SYNE1: variants seen among roughly 807,000 people sequenced by gnomAD.
The protein encoded by SYNE1 is spectrin repeat containing nuclear envelope protein 1.
SYNE1 carries 616 observed loss-of-function variants against 1,111.0 expected under a neutral mutation model. The observed-to-expected ratio is 0.55, with a 90% CI of 0.52 to 0.59. The LOEUF (loss-of-function observed/expected upper bound fraction) is 0.59, where lower values mean the gene tolerates loss of function less well. SYNE1 is among the 20% of genes least tolerant of loss of function. The probability of loss-of-function intolerance (pLI) is 0.00; values close to 1 mark genes in which losing one functional copy is unlikely to be tolerated. For missense variants in SYNE1, 10,006 were observed against 10,417.0 expected, an observed-to-expected ratio of 0.96 and a Z score of 1.72; for synonymous variants, 3,855 against 3,825.8, an observed-to-expected ratio of 1.01 and a Z score of -0.28.
rs970277540 is a variant in SYNE1, at chr6:152,634,911, C to T, written c.-224+1727G>A. Among the ~76,000 whole-genome samples, 15 of 152,378 alleles carry T rather than the reference C, an allele frequency of 9.8e-5. No homozygotes were observed. The South Asian group carries it at 1.4e-3, about 15-fold the overall frequency. ...AGACACACAGAGGACCTCGCAGAGG[C>T]GTTTGGGCCCTGCATGCCTGTCACA... is the stretch of plus-strand genomic sequence containing the variant. On this transcript the variant is annotated intron_variant, in intron 2 of 145. Coordinates refer to ENST00000367255, the MANE Select transcript of SYNE1 (RefSeq NM_182961.4).
chr6:152,627,922 A>T lies in SYNE1; in HGVS notation c.67+343T>A, dbSNP rs544342827. 1.8e-4 allele frequency among the ~76,000 whole-genome samples: 28 copies of T among 152,218 alleles called. No individual in the cohort carries two copies. The South Asian group carries it at 5.6e-3, about 30-fold the overall frequency. On this transcript the variant is annotated intron_variant, in intron 3 of 145. Coordinates refer to ENST00000367255, the MANE Select transcript of SYNE1 (RefSeq NM_182961.4). ...AACTTGTCCATAATCTATCAAAACA[A>T]CTGAGGATGTATTGTCACTGGTATT...
At position 152,395,626 on chromosome 6, in the gene SYNE1, C is replaced by A; in HGVS notation, c.7602G>T (p.Met2534Ile). ...HRKLNLWIHEMEERFNTENLG... is the reference protein window; with the variant it reads ...HRKLNLWIHEIEERFNTENLG... ...AGTTTTCCGTATTGAACCTTTCTTCCATTTCATGGATCCATAAGTTCAGTT... is the reference window on the plus strand; with the variant it reads ...AGTTTTCCGTATTGAACCTTTCTTCAATTTCATGGATCCATAAGTTCAGTT... The change falls in exon 51 of 146, where the codon ATG becomes ATT. Residue 2534 changes from methionine to isoleucine, a missense_variant. Met to Ile is a conservative substitution (Grantham distance 10). Transcript: ENST00000367255. The A allele has an allele frequency of 6.2e-7, 1 of 1,614,114 alleles. No individual in the cohort carries two copies. The highest frequency in any genetic ancestry group is 8.5e-7 in the Non-Finnish European group (1 of 1,179,996).
intron 73 of SYNE1, among the ~76,000 whole-genome samples, chr6:152,346,046 T>C (rs780777944): frequency 5.3e-5 from 8 of 152,222 alleles, no homozygotes; most frequent in Non-Finnish European, 8.8e-5. Flanking sequence ...ACAAAATAAA[T>C]GGAAAATTAG....
chr6:152,162,530 A>C (rs1175786846), intron 131 of SYNE1, among the ~76,000 whole-genome samples: 7 of 152,198 alleles, frequency 4.6e-5, no homozygotes, highest in Non-Finnish European at 1.0e-4. Context: ...TCAACTCATC[A>C]CTATAGACAT....
chr6:152,334,083 C>G lies in SYNE1; in HGVS notation c.12719G>C (p.Arg4240Thr). The stretch of plus-strand genomic sequence containing the variant: ...AACATTCATACAGTCATGGTAATCT[C>G]TTGTTCTCTGAAGATCCTCTTCCCT... ...LQREEDLQRTRDYHDCMNVVE... is the reference protein window; with the variant it reads ...LQREEDLQRTTDYHDCMNVVE... The change falls in exon 77 of 146, where the codon AGA becomes ACA. Residue 4240 changes from arginine to threonine, a missense_variant. Transcript: ENST00000367255. 6.2e-7 allele frequency: 1 copy of G among 1,614,158 alleles called. No homozygotes were observed. Among genetic ancestry groups the G allele is most frequent in the Non-Finnish European group, 8.5e-7 (1 of 1,180,022 alleles).
chr6:152,334,331 T>TAG, intron 76 of SYNE1, 58 bp from the exon 77 acceptor site: 1 of 1,590,046 alleles, frequency 6.3e-7, no homozygotes, highest in African/African-American at 1.3e-5. Context: ...CAAATAAATA[T>TAG]AGAGAGCAAC....
chr6:152,550,652 CA>C (rs2099340099), intron 3 of SYNE1, among the ~76,000 whole-genome samples: 1 of 151,478 alleles, frequency 6.6e-6, no homozygotes, highest in South Asian at 2.1e-4. Context: ...AATTTGGTAG[CA>C]AAAAATTGAC....
chr6:152,405,218 A>G (rs1375607019), intron 45 of SYNE1, among the ~76,000 whole-genome samples: 1 of 152,238 alleles, frequency 6.6e-6, no homozygotes, highest in African/African-American at 2.4e-5. Context: ...TGGGTAACAT[A>G]AAGAACCCAT....
At chr6:152,195,201 G>A (rs978793142) in intron 127 of SYNE1, among the ~76,000 whole-genome samples, 2 of 152,184 alleles carry the variant, frequency 1.3e-5, no homozygotes, top group Non-Finnish European at 2.9e-5. Context: ...GATTACAGGT[G>A]TGAGCCACTG....
intron 30 of SYNE1, among the ~76,000 whole-genome samples, chr6:152,442,703 T>G (rs1246814332): frequency 6.6e-6 from 1 of 152,208 alleles, no homozygotes; most frequent in Non-Finnish European, 1.5e-5. Flanking sequence ...CCTAGCATTT[T>G]GGGAGGCCAA....
At chr6:152,209,107 A>T (rs994493740) in intron 124 of SYNE1, among the ~76,000 whole-genome samples, 14 of 152,216 alleles carry the variant, frequency 9.2e-5, no homozygotes. Context: ...TCACACCTAA[A>T]GTGCAAGTAA....
chr6:152,576,440 C>T (rs527462848), intron 3 of SYNE1, among the ~76,000 whole-genome samples: 51 of 152,274 alleles, frequency 3.3e-4, no homozygotes, highest in African/African-American at 1.2e-3. Flanking sequence ...GATGACAAAT[C>T]CTATGCAATT....
At chr6:152,574,319 G>A (rs1219382060) in intron 3 of SYNE1, among the ~76,000 whole-genome samples, 17 of 151,276 alleles carry the variant, frequency 1.1e-4, no homozygotes, top group Admixed American at 1.1e-3. Flanking sequence ...TGTTTTCGTA[G>A]ATGAGATCTG....
chr6:152,395,125 ATT>A (rs1305481765), intron 51 of SYNE1, among the ~76,000 whole-genome samples: 2 of 151,634 alleles, frequency 1.3e-5, no homozygotes, highest in Middle Eastern at 3.2e-3. Flanking sequence ...GTCACTGTGA[ATT>A]TGTGGTTTTC....
chr6:152,348,308 T>C (rs2096675691), intron 72 of SYNE1, among the ~76,000 whole-genome samples: 1 of 152,188 alleles, frequency 6.6e-6, no homozygotes, highest in Non-Finnish European at 1.5e-5. Context: ...TCGGCCTGAT[T>C]TCACCTCACA....
intron 62 of SYNE1, among the ~76,000 whole-genome samples, chr6:152,365,745 C>CCACTGCG (rs1391315957): frequency 6.6e-6 from 1 of 151,962 alleles, no homozygotes; most frequent in Non-Finnish European, 1.5e-5. Flanking sequence ...TAAGTGTAAG[C>CCACTGCG]CACTGCGCCC....
At chr6:152,269,021 G>T (rs889470238) in intron 99 of SYNE1, 134 bp downstream of exon 99, 1 of 1,337,884 alleles carries the variant, frequency 7.5e-7, no homozygotes, top group Non-Finnish European at 1.0e-6. Flanking sequence ...CCAACATCTT[G>T]CTTCATTCAA....
chr6:152,425,659 A>G (rs2098340790), intron 38 of SYNE1, 112 bp from the exon 39 acceptor site: 2 of 1,230,496 alleles, frequency 1.6e-6, no homozygotes, highest in Non-Finnish European at 2.4e-6. Flanking sequence ...AATGCAAGTC[A>G]TTCGGGACAG....
intron 28 of SYNE1, among the ~76,000 whole-genome samples, chr6:152,449,132 G>A (rs1479066688): frequency 1.3e-5 from 2 of 152,194 alleles, no homozygotes; most frequent in Non-Finnish European, 2.9e-5. Context: ...TAGAAAGGAT[G>A]CCTAGAGACC....
Sources: gnomAD v4.1 joint callset for allele counts (sites outside exome capture counted in the v4.1 genomes callset) on GRCh38, gnomAD v4.1.1 for gene constraint, MANE v1.5 for transcripts, NCBI Gene and HGNC (gene_info 2026-07-23, HGNC 2026-07-21) for gene names.